Variants in LIFR observed in about 807,000 individuals in gnomAD.
LIFR encodes the protein leukemia inhibitory factor receptor.
Under a neutral mutation model 122.2 loss-of-function variants are expected in LIFR, and 84 were observed. That is an observed-to-expected ratio of 0.69 (90% confidence interval 0.58 to 0.82). LIFR has a LOEUF of 0.82. Ranked by LOEUF, LIFR falls within the 40% of genes least tolerant of loss-of-function variation. LIFR has a pLI of 0.00. For synonymous variants in LIFR, 422 were observed against 434.7 expected (o/e 0.97, Z 0.36); for missense variants, 1,294 against 1,311.6 (o/e 0.99, Z 0.21).
chr5:38,564,424 C>CT (rs1748938576), intron 1 of LIFR, among the ~76,000 whole-genome samples: 1 of 4,662 alleles, frequency 2.1e-4, no homozygotes, highest in African/African-American at 1.6e-3. Flanking sequence ...CATTATGTTG[C>CT]CAGGCTTGTC....
chr5:38,511,469 TTTTG>T (rs1433238261), intron 6 of LIFR, among the ~76,000 whole-genome samples: 2 of 151,436 alleles, frequency 1.3e-5, no homozygotes, highest in Non-Finnish European at 2.9e-5. Flanking sequence ...TTGGGAACTG[TTTTG>T]TTTTTTTTTT....
intron 11 of LIFR, among the ~76,000 whole-genome samples, chr5:38,501,947 A>G (rs1745202656): frequency 6.6e-6 from 1 of 151,640 alleles, no homozygotes; most frequent in Admixed American, 6.6e-5. Flanking sequence ...CTAGGTCACA[A>G]ATAAAAACTA....
intron 11 of LIFR, among the ~76,000 whole-genome samples, chr5:38,501,995 A>ATTT (rs1380681143): frequency 4.1e-4 from 53 of 130,458 alleles, no homozygotes; most frequent in Middle Eastern, 3.9e-3. Flanking sequence ...TTTTTTTTTA[A>ATTT]AAAAAAGGCC....
chr5:38,517,856 CAA>C lies in LIFR; in HGVS notation c.561+5561_561+5562del, dbSNP rs572954936. Reference sequence around the variant, plus strand: ...TGTGCAACAGAGCAAGACACTGTCTCAAAAAAAAAAAAAAAAAAAAAAAAAGG... The same window carrying C: ...TGTGCAACAGAGCAAGACACTGTCTCAAAAAAAAAAAAAAAAAAAAAAAGG... On this transcript the variant is annotated intron_variant, in intron 5 of 19. Coordinates refer to ENST00000453190, the MANE Select transcript of LIFR (RefSeq NM_001127671.2). Among the ~76,000 whole-genome samples the C allele has an allele frequency of 8.0e-4, 12 of 15,042 alleles. No individual in the cohort carries two copies. In the South Asian group the frequency reaches 0.02, roughly 26 times the overall value. 9.9% of individuals were successfully genotyped at this position (15,042 alleles called of 152,430 possible). A position where few individuals can be genotyped will look rare whatever the true frequency, so the allele number is the denominator to read the frequency against.
At chr5:38,603,610 G>C (rs921610237) in intron 2 of LIFR, among the ~76,000 whole-genome samples, 35 of 152,202 alleles carry the variant, frequency 2.3e-4, no homozygotes, top group African/African-American at 7.7e-4. Context: ...GGTGATGTGG[G>C]AAAACAGAGA....
chr5:38,556,230 G>A (rs955648177), intron 1 of LIFR, 104 bp downstream of exon 1: 5 of 151,966 alleles, frequency 3.3e-5, no homozygotes, highest in Admixed American at 3.3e-4. Flanking sequence ...GCTCCGCAGA[G>A]CTGGGAGCGC....
Position 38,476,918 on chromosome 5 carries a change from G to C in LIFR, c.*4677C>G. On this transcript the variant is annotated 3_prime_UTR_variant, in exon 20 of 20. Coordinates refer to ENST00000453190, the MANE Select transcript of LIFR (RefSeq NM_001127671.2). Reference sequence around the variant, plus strand: ...TCCAAATATTAACATTCCTAATATAGGGAAAAATAAGCACCATTCATAGCT... The same window carrying C: ...TCCAAATATTAACATTCCTAATATACGGAAAAATAAGCACCATTCATAGCT... 1 of 215,500 alleles carries C rather than the reference G, an allele frequency of 4.6e-6. No homozygotes were observed. 13.3% of individuals were successfully genotyped at this position (215,500 alleles called of 1,614,324 possible).
chr5:38,569,313 C>T (rs571630881), intron 1 of LIFR, among the ~76,000 whole-genome samples: 1 of 152,244 alleles, frequency 6.6e-6, no homozygotes, highest in East Asian at 1.9e-4. Context: ...CTTCAAGAGC[C>T]AGATGTCATC....
intron 1 of LIFR, among the ~76,000 whole-genome samples, chr5:38,607,313 A>G (rs1750348443): frequency 6.6e-6 from 1 of 152,168 alleles, no homozygotes; most frequent in African/African-American, 2.4e-5. Context: ...ATTTTCATCT[A>G]AGAAAGGTCC....
In LIFR at chr5:38,481,302, T is replaced by C. The variant is rs552952862; in HGVS notation, c.*293A>G. On this transcript the variant is annotated 3_prime_UTR_variant, in exon 20 of 20. Transcript: ENST00000453190. ...GATTTGTTTTACATGTACGTACAAG[T>C]AGGTATTAGCCTTGAAATGCTTCTT... The C allele has an allele frequency of 6.2e-5, 29 of 468,690 alleles. 1 individual carries two copies. Among genetic ancestry groups the C allele is most frequent in the East Asian group, 4.4e-4 (12 of 27,496 alleles). 29.0% of individuals were successfully genotyped at this position (468,690 alleles called of 1,614,324 possible).
At chr5:38,536,153 C>G (rs184349396) in intron 1 of LIFR, among the ~76,000 whole-genome samples, 286 of 152,228 alleles carry the variant, frequency 1.9e-3, no homozygotes, top group African/African-American at 6.5e-3. Context: ...GTGCTGGTTT[C>G]CAAGATTTGG....
chr5:38,489,390 C>A, intron 15 of LIFR, 145 bp from the exon 16 acceptor site: 1 of 734,818 alleles, frequency 1.4e-6, no homozygotes, highest in Non-Finnish European at 2.3e-6. Flanking sequence ...GAGAGATGAT[C>A]ACAAACGCTT....
intron 1 of LIFR, among the ~76,000 whole-genome samples, chr5:38,548,641 C>T (rs957639058): frequency 6.6e-6 from 1 of 152,080 alleles, no homozygotes; most frequent in African/African-American, 2.4e-5. Flanking sequence ...TCTAACACCT[C>T]TATAAAAGGA....
chr5:38,607,529 T>C (rs1256382662), intron 1 of LIFR: 4 of 152,174 alleles, frequency 2.6e-5, no homozygotes, highest in African/African-American at 9.7e-5. Context: ...TCTCTCTCTC[T>C]CTCTCTCTGT....
At chr5:38,578,505 C>A (rs1404547677) in intron 1 of LIFR, among the ~76,000 whole-genome samples, 20 of 151,856 alleles carry the variant, frequency 1.3e-4, no homozygotes, top group African/African-American at 4.8e-4. Context: ...CACGCCCAAC[C>A]AAGACTACTC....
chr5:38,602,681 A>C (rs996037592), intron 2 of LIFR, among the ~76,000 whole-genome samples: 11 of 152,162 alleles, frequency 7.2e-5, no homozygotes, highest in Non-Finnish European at 1.5e-4. Flanking sequence ...CAATGCTTCT[A>C]AAACTGTATT....
intron 1 of LIFR, chr5:38,607,633 C>G (rs1750359494): frequency 6.6e-6 from 1 of 152,158 alleles, no homozygotes; most frequent in Non-Finnish European, 1.5e-5. Flanking sequence ...AGGAGTGGAA[C>G]AGCGGTCAGA....
chr5:38,516,635 G>A (rs964254096), intron 5 of LIFR, among the ~76,000 whole-genome samples: 3 of 152,132 alleles, frequency 2.0e-5, no homozygotes, highest in Non-Finnish European at 2.9e-5. Flanking sequence ...CAACCACTGT[G>A]GAGGACAGTG....
intron 14 of LIFR, among the ~76,000 whole-genome samples, chr5:38,493,225 A>C (rs1744695021): frequency 6.6e-6 from 1 of 151,460 alleles, no homozygotes; most frequent in African/African-American, 2.4e-5. Flanking sequence ...TTTTTTTTTC[A>C]TGAACATTTA....
Sources: gnomAD v4.1 joint callset for allele counts (sites outside exome capture counted in the v4.1 genomes callset) on GRCh38, gnomAD v4.1.1 for gene constraint, MANE v1.5 for transcripts, NCBI Gene and HGNC (gene_info 2026-07-23, HGNC 2026-07-21) for gene names.